The following FGF12 variants were observed in gnomAD, a reference collection of about 807,000 sequenced individuals.
The protein encoded by FGF12 is fibroblast growth factor 12.
Under a neutral mutation model 23.6 loss-of-function variants are expected in FGF12, and 14 were observed. The observed-to-expected ratio is 0.59, with a 90% CI of 0.39 to 0.93. The LOEUF is 0.93. Ranked by LOEUF, FGF12 falls within the 40% of genes least tolerant of loss-of-function variation. The probability of loss-of-function intolerance (pLI) is 0.00; values close to 1 mark genes in which losing one functional copy is unlikely to be tolerated. For synonymous variants in FGF12, 62 were observed against 77.3 expected, an observed-to-expected ratio of 0.80 and a Z score of 1.04; for missense variants, 175 against 217.8, an observed-to-expected ratio of 0.80 and a Z score of 1.24.
chr3:192,331,799 T>C (rs1260950172), intron 4 of FGF12, among the ~76,000 whole-genome samples: 1 of 152,096 alleles, frequency 6.6e-6, no homozygotes, highest in African/African-American at 2.4e-5. Flanking sequence ...AATATTAAAC[T>C]GATGAGAAAC....
At chr3:192,446,883 C>T (rs1370906586) in intron 2 of FGF12, among the ~76,000 whole-genome samples, 1 of 152,178 alleles carries the variant, frequency 6.6e-6, no homozygotes, top group Non-Finnish European at 1.5e-5. Context: ...CCTGAGATCC[C>T]TAATCCTTCG....
chr3:192,261,287 C>T (rs1422814767), intron 4 of FGF12, among the ~76,000 whole-genome samples: 4 of 152,128 alleles, frequency 2.6e-5, no homozygotes. Context: ...GTTTATGAAG[C>T]CACCCAGATA....
intron 4 of FGF12, among the ~76,000 whole-genome samples, chr3:192,288,867 T>C (rs1161346484): frequency 6.6e-6 from 1 of 152,110 alleles, no homozygotes; most frequent in Non-Finnish European, 1.5e-5. Flanking sequence ...TATATTTCCA[T>C]TTTAAATGTC....
In FGF12 at chr3:192,557,115, T is replaced by G. The variant is rs182197345; in HGVS notation, c.13+170066A>C. ...CTGCAATAAGAAAAAAAACCTCAAA[T>G]AAAAACCTTAATGGTATACCTGAAA... On this transcript the variant is annotated intron_variant, in intron 2 of 5. Coordinates refer to ENST00000445105, the MANE Select transcript of FGF12 (RefSeq NM_004113.6). Among the ~76,000 whole-genome samples, 34 of 150,922 alleles carry G rather than the reference T, an allele frequency of 2.3e-4. No individual in the cohort carries two copies. In the East Asian group the frequency reaches 4.1e-3, roughly 18 times the overall value.
intron 2 of FGF12, among the ~76,000 whole-genome samples, chr3:192,370,889 G>A (rs568339820): frequency 8.5e-5 from 13 of 152,304 alleles, no homozygotes; most frequent in African/African-American, 2.6e-4. Context: ...CGAATCAATC[G>A]TCATCTTCCT....
intron 2 of FGF12, among the ~76,000 whole-genome samples, chr3:192,573,757 A>G (rs1422961933): frequency 6.6e-6 from 1 of 152,262 alleles, no homozygotes; most frequent in African/African-American, 2.4e-5. Flanking sequence ...AAATTTGGGT[A>G]TAAGAAACAA....
At chr3:192,538,545 A>C (rs1430292751) in intron 2 of FGF12, among the ~76,000 whole-genome samples, 1 of 152,214 alleles carries the variant, frequency 6.6e-6, no homozygotes, top group East Asian at 1.9e-4. Flanking sequence ...TTTGAAGTCA[A>C]GTAATGAGAT....
chr3:192,517,298 A>G lies in FGF12; in HGVS notation c.14-156760T>C, dbSNP rs143903900. Among the ~76,000 whole-genome samples, 697 of 152,372 alleles carry G rather than the reference A, an allele frequency of 4.6e-3. 4 individuals carry two copies. Among genetic ancestry groups the G allele is most frequent in the African/African-American group, 0.016 (676 of 41,590 alleles). ...TGAAGATTTTAATTATCTTTGCAACATAAGGTGTTATTACCAACTTCCCTG... is the reference window on the plus strand; with the variant it reads ...TGAAGATTTTAATTATCTTTGCAACGTAAGGTGTTATTACCAACTTCCCTG... On this transcript the variant is annotated intron_variant, in intron 2 of 5. Coordinates refer to ENST00000445105, the MANE Select transcript of FGF12 (RefSeq NM_004113.6).
intron 2 of FGF12, among the ~76,000 whole-genome samples, chr3:192,482,504 C>T (rs1219297668): frequency 6.6e-6 from 1 of 151,968 alleles, no homozygotes. Context: ...CGTGGTGGTA[C>T]ATGCCTGTAA....
rs1030832383 is a variant in FGF12 at position 192,283,686 on chromosome 3, T to C, written c.228+51675A>G. 2.0e-4 allele frequency among the ~76,000 whole-genome samples: 31 copies of C among 152,086 alleles called. 1 individual carries two copies. Among genetic ancestry groups the C allele is most frequent in the Admixed American group, 2.0e-3 (30 of 15,236 alleles). On this transcript the variant is annotated intron_variant, in intron 4 of 5. Transcript: ENST00000445105. Reference sequence around the variant, plus strand: ...ACTCCTCCTACATCTTTATTCCATATGAGATGTAGGTAATCTCATTAGTCA... The same window carrying C: ...ACTCCTCCTACATCTTTATTCCATACGAGATGTAGGTAATCTCATTAGTCA...
intron 4 of FGF12, among the ~76,000 whole-genome samples, chr3:192,172,514 TATG>T (rs1405963174): frequency 6.6e-6 from 1 of 150,868 alleles, no homozygotes; most frequent in Admixed American, 6.6e-5. Flanking sequence ...AATACTGAAA[TATG>T]ATTTCTTAGA....
intron 2 of FGF12, among the ~76,000 whole-genome samples, chr3:192,549,711 C>A (rs970122262): frequency 2.0e-5 from 3 of 152,108 alleles, no homozygotes; most frequent in African/African-American, 7.2e-5. Flanking sequence ...AATTGAAGAC[C>A]TGAATAGACA....
intron 4 of FGF12, among the ~76,000 whole-genome samples, chr3:192,224,025 T>C (rs1718604739): frequency 6.6e-6 from 1 of 152,116 alleles, no homozygotes; most frequent in African/African-American, 2.4e-5. Flanking sequence ...AAGGTCACCT[T>C]GGCTACTGCC....
intron 2 of FGF12, among the ~76,000 whole-genome samples, chr3:192,600,970 T>A (rs1053713112): frequency 7.2e-5 from 11 of 152,070 alleles, no homozygotes; most frequent in African/African-American, 2.7e-4. Flanking sequence ...GGAAGGGAAA[T>A]TAGCAATATC....
At chr3:192,656,418 T>C (rs1051904364) in intron 2 of FGF12, among the ~76,000 whole-genome samples, 2 of 152,116 alleles carry the variant, frequency 1.3e-5, no homozygotes, top group Non-Finnish European at 2.9e-5. Flanking sequence ...TTGTGACCAC[T>C]ATTTAAAACT....
chr3:192,309,362 T>G (rs912571864), intron 4 of FGF12, among the ~76,000 whole-genome samples: 1 of 152,174 alleles, frequency 6.6e-6, no homozygotes, highest in South Asian at 2.1e-4. Context: ...TTCCACACAT[T>G]TGAAGAAACT....
chr3:192,258,740 A>C (rs1323122161), intron 4 of FGF12, among the ~76,000 whole-genome samples: 1 of 152,160 alleles, frequency 6.6e-6, no homozygotes, highest in Non-Finnish European at 1.5e-5. Context: ...TGATGACTAG[A>C]AGTTCCTCAA....
At chr3:192,172,954 A>G (rs1484094540) in intron 4 of FGF12, among the ~76,000 whole-genome samples, 2 of 151,160 alleles carry the variant, frequency 1.3e-5, no homozygotes, top group East Asian at 1.9e-4. Context: ...ATACCATTCA[A>G]TTATAAAAAA....
At chr3:192,403,934 G>T (rs1720860992) in intron 2 of FGF12, among the ~76,000 whole-genome samples, 1 of 152,018 alleles carries the variant, frequency 6.6e-6, no homozygotes. Context: ...GAAATATTTT[G>T]AATAACCATA....
Sources: allele counts gnomAD v4.1 joint callset (sites outside exome capture counted in the v4.1 genomes callset), GRCh38; gene constraint gnomAD v4.1.1; transcripts MANE v1.5; gene names NCBI Gene and HGNC (gene_info 2026-07-23, HGNC 2026-07-21).